Variants in PTPRU observed in about 807,000 individuals in gnomAD.
PTPRU encodes protein tyrosine phosphatase receptor type U.
Under a neutral mutation model 166.3 loss-of-function variants are expected in PTPRU, and 69 were observed. That is an observed-to-expected ratio of 0.41 (90% CI 0.34 to 0.51). The LOEUF (loss-of-function observed/expected upper bound fraction) is 0.51, where lower values mean the gene tolerates loss of function less well. Among genes scored for constraint, PTPRU ranks in the 20% least tolerant of loss-of-function variants. The pLI is 0.09. For missense variants in PTPRU, 1,657 were observed against 2,013.7 expected (o/e 0.82, Z 3.39); for synonymous variants, 793 against 814.0 (o/e 0.97, Z 0.44).
intron 22 of PTPRU, among the ~76,000 whole-genome samples, chr1:29,313,518 A>G (rs1687763413): frequency 6.6e-6 from 1 of 152,268 alleles, no homozygotes. Flanking sequence ...GAATTTTCAT[A>G]AACTGAGCAC....
In PTPRU at chr1:29,282,958, C is replaced by T. The variant is rs1190050015; in HGVS notation, c.2142+9C>T. 4.3e-6 allele frequency: 7 copies of T among 1,610,716 alleles called. No individual in the cohort carries two copies. The highest frequency in any genetic ancestry group is 5.9e-6 in the Non-Finnish European group (7 of 1,179,406). On this transcript the variant is annotated intron_variant, in intron 12 of 29. Coordinates refer to ENST00000373779, the MANE Select transcript of PTPRU (RefSeq NM_133178.4). ...CAAGCCACCTGAAGGGGGTGAGGGA[C>T]CGGCCAGGGTCATGGTGGGCGTGGT...
Position 29,236,525 on chromosome 1 carries a change from C to CCCGCT in PTPRU, c.-115_-111dup, listed in dbSNP as rs1683764733. On this transcript the variant is annotated 5_prime_UTR_variant, in exon 1 of 30. Transcript: ENST00000373779. This position sits in a 1 kb window ranked among gnomAD's most constrained non-coding sequence, Gnocchi z 4.6. ...CTCGCGCTCTGGACTCGGCGCCAGT[C>CCCGCT]CCGCTCCGCGCCGCGCCGCTCCGCT... 2.1e-5 allele frequency: 16 copies of CCCGCT among 766,776 alleles called. No individual in the cohort carries two copies. In the South Asian group the frequency reaches 6.7e-4, roughly 32 times the overall value. 47.5% of individuals were successfully genotyped at this position (766,776 alleles called of 1,614,324 possible).
chr1:29,288,255 T>C (rs12407354), intron 14 of PTPRU, among the ~76,000 whole-genome samples: 37,902 of 152,080 alleles, frequency 0.25, 5,981 homozygotes, highest in East Asian at 0.63. Flanking sequence ...CTGGGGAAAC[T>C]GAGGGAGACA....
At position 29,237,755 on chromosome 1, in the gene PTPRU, G is replaced by A. The variant is rs1401201165; in HGVS notation, c.73+1038G>A. ...GCTGGCGGGCGGCTGATCCGAGGCGGCGCCGGGGCTGCGGGGCGCCCGGGC... is the reference window on the plus strand; with the variant it reads ...GCTGGCGGGCGGCTGATCCGAGGCGACGCCGGGGCTGCGGGGCGCCCGGGC... On this transcript the variant is annotated intron_variant, in intron 1 of 29. Transcript: ENST00000373779. This position sits in a 1 kb window ranked among gnomAD's most constrained non-coding sequence, Gnocchi z 6.4. 1.3e-5 allele frequency among the ~76,000 whole-genome samples: 2 copies of A among 148,830 alleles called. No individual in the cohort carries two copies. Among genetic ancestry groups the A allele is most frequent in the African/African-American group, 2.4e-5 (1 of 41,076 alleles).
chr1:29,323,346 C>G, intron 26 of PTPRU, 25 bp from the exon 27 acceptor site: 1 of 1,600,336 alleles, frequency 6.2e-7, no homozygotes, highest in African/African-American at 1.3e-5. Flanking sequence ...CTACTCAGCT[C>G]TCCCCTCTCC....
chr1:29,303,652 A>G (rs1229982231), intron 15 of PTPRU, among the ~76,000 whole-genome samples: 2 of 152,190 alleles, frequency 1.3e-5, no homozygotes, highest in African/African-American at 4.8e-5. Flanking sequence ...GGCTCATTCT[A>G]CAGGTGGAAC....
intron 1 of PTPRU, among the ~76,000 whole-genome samples, chr1:29,245,131 G>C (rs1684235081): frequency 6.6e-6 from 1 of 152,170 alleles, no homozygotes; most frequent in African/African-American, 2.4e-5. Flanking sequence ...GGGGCCAGGG[G>C]CTGTACTTTA....
intron 1 of PTPRU, among the ~76,000 whole-genome samples, chr1:29,252,086 A>G (rs1684570616): frequency 6.6e-6 from 1 of 152,082 alleles, no homozygotes; most frequent in South Asian, 2.1e-4. Flanking sequence ...TTTTCAAACA[A>G]AGAGCCAAAG....
intron 14 of PTPRU, among the ~76,000 whole-genome samples, chr1:29,289,056 C>T (rs1372185381): frequency 1.3e-5 from 2 of 151,934 alleles, no homozygotes; most frequent in African/African-American, 2.4e-5. Context: ...TCCTCTCCAT[C>T]CTGCCCCCTT....
At chr1:29,294,785 G>C (rs1002004292) in intron 15 of PTPRU, among the ~76,000 whole-genome samples, 2 of 152,100 alleles carry the variant, frequency 1.3e-5, no homozygotes, top group African/African-American at 2.4e-5. Context: ...ATGGTGATAA[G>C]CCACTGTCCC....
At chr1:29,244,105 T>C (rs903844408) in intron 1 of PTPRU, among the ~76,000 whole-genome samples, 1 of 151,754 alleles carries the variant, frequency 6.6e-6, no homozygotes, top group Non-Finnish European at 1.5e-5. Flanking sequence ...GGGAGAAAGA[T>C]TGAGATGGGG....
At chr1:29,318,471 G>A (rs1363644307) in intron 25 of PTPRU, among the ~76,000 whole-genome samples, 2 of 152,190 alleles carry the variant, frequency 1.3e-5, no homozygotes, top group African/African-American at 4.8e-5. Flanking sequence ...GATGGGTGCT[G>A]GCATTTTAGT....
intron 14 of PTPRU, among the ~76,000 whole-genome samples, chr1:29,286,361 C>T (rs900434549): frequency 2.0e-5 from 3 of 152,224 alleles, no homozygotes; most frequent in African/African-American, 7.2e-5. Flanking sequence ...CACTGTTCTG[C>T]ACTCAGCATG....
intron 1 of PTPRU, among the ~76,000 whole-genome samples, chr1:29,239,704 C>A (rs960014958): frequency 1.3e-5 from 2 of 152,102 alleles, no homozygotes; most frequent in African/African-American, 4.8e-5. Flanking sequence ...CCCCCTCCCC[C>A]CTTTTCCTAG....
chr1:29,299,030 A>G (rs1409894697), intron 15 of PTPRU, among the ~76,000 whole-genome samples: 1 of 152,220 alleles, frequency 6.6e-6, no homozygotes, highest in Non-Finnish European at 1.5e-5. Context: ...GTGCTACCAC[A>G]TTGAATAACT....
chr1:29,291,936 G>A lies in PTPRU; in HGVS notation c.2386G>A (p.Val796Met), dbSNP rs749337965. ...GGAGAAGACACACATGATGAGCGCC[G>A]TGGACCGCAGCTTCACAGACCAGAG... ...RQEKTHMMSA[V>M]DRSFTDQSTL... The change falls in exon 15 of 30, where the codon GTG becomes ATG. Residue 796 changes from valine to methionine, a missense_variant. By Grantham distance (21) the Val-to-Met change is conservative. This residue lies in a region of PTPRU where 1,190 missense variants were observed against 1,477.4 expected (regional missense o/e 0.81). Coordinates refer to ENST00000373779, the MANE Select transcript of PTPRU (RefSeq NM_133178.4). This position sits in a 1 kb window ranked among gnomAD's most constrained non-coding sequence, Gnocchi z 4.1. 3.4e-5 allele frequency: 55 copies of A among 1,614,060 alleles called. No individual in the cohort carries two copies. In the South Asian group the frequency reaches 5.1e-4, roughly 15 times the overall value.
intron 7 of PTPRU, among the ~76,000 whole-genome samples, chr1:29,262,474 T>TGA (rs910295605): frequency 3.3e-5 from 5 of 152,144 alleles, no homozygotes; most frequent in African/African-American, 1.2e-4. Flanking sequence ...TAAGATATTT[T>TGA]GAGAGAGAGA....
At chr1:29,276,208 G>A (rs1376939648) in intron 8 of PTPRU, among the ~76,000 whole-genome samples, 1 of 151,604 alleles carries the variant, frequency 6.6e-6, no homozygotes, top group African/African-American at 2.4e-5. Context: ...CCAGGCTGGA[G>A]TACAGTGGCA....
At chr1:29,255,204 G>GC in intron 1 of PTPRU, 71 bp from the exon 2 acceptor site, 1 of 1,533,434 alleles carries the variant, frequency 6.5e-7, no homozygotes, top group Admixed American at 1.9e-5. Context: ...GGAGAGTGGG[G>GC]CTACCCTCCA....
Sources: allele counts gnomAD v4.1 joint callset (sites outside exome capture counted in the v4.1 genomes callset), GRCh38; gene constraint gnomAD v4.1.1; regional missense constraint gnomAD v4.1.1; non-coding constraint Gnocchi (gnomAD v3.1); transcripts MANE v1.5; gene names NCBI Gene and HGNC (gene_info 2026-07-23, HGNC 2026-07-21).